Variants in C17orf107 observed in about 807,000 individuals in gnomAD.
C17orf107 encodes the protein uncharacterized protein C17orf107.
C17orf107 carries 9 observed loss-of-function variants against 8.9 expected under a neutral mutation model. The observed-to-expected ratio is 1.02, with a 90% CI of 0.61 to 1.77. The LOEUF is 1.77. C17orf107 is among the 40% of genes most tolerant of loss of function. C17orf107 has a pLI of 0.00. For missense variants in C17orf107, 281 were observed against 249.0 expected (o/e 1.13, Z -0.86); for synonymous variants, 139 against 120.3 (o/e 1.16, Z -1.02).
rs947375390 is a variant in C17orf107 at position 4,899,644 on chromosome 17, G to A, written c.-119G>A. ...CTCCCAGCTACCGAAGGCGCCGCGC[G>A]CTGACCTCACAAACACGGCTTCTCC... On this transcript the variant is annotated 5_prime_UTR_variant, in exon 1 of 3. Coordinates refer to ENST00000381365, the MANE Select transcript of C17orf107 (RefSeq NM_001145536.2). 6 of 1,461,976 alleles carry A rather than the reference G, an allele frequency of 4.1e-6. No individual in the cohort carries two copies. The highest frequency in any genetic ancestry group is 1.4e-5 in the African/African-American group (1 of 71,360). 90.6% of individuals were successfully genotyped at this position (1,461,976 alleles called of 1,614,324 possible).
chr17:4,902,570 T>G lies in C17orf107; in HGVS notation c.*2037T>G. 2.5e-6 allele frequency: 4 copies of G among 1,614,066 alleles called. No homozygotes were observed. The highest frequency in any genetic ancestry group is 1.1e-5 in the South Asian group (1 of 91,086). ...GAGCTTTAGGACAGAGCTCAGCGGT[T>G]GGGGCCAGAAGTGGGATTTTTGGCT... is the stretch of plus-strand genomic sequence containing the variant. On this transcript the variant is annotated 3_prime_UTR_variant, in exon 3 of 3. Coordinates refer to ENST00000381365, the MANE Select transcript of C17orf107 (RefSeq NM_001145536.2). The surrounding 1 kb of genome is among the most constrained non-coding windows in gnomAD (Gnocchi z 4.0).
At chr17:4,899,890 CCT>C (rs752694493) in intron 1 of C17orf107, 44 bp from the exon 2 acceptor site, 376 of 1,548,576 alleles carry the variant, frequency 2.4e-4, no homozygotes, top group Non-Finnish European at 3.1e-4. Flanking sequence ...CCTGTTCGCC[CCT>C]GTGACCCCTG....
Position 4,901,475 on chromosome 17 carries a change from C to CT in C17orf107, c.*943dup. ...GGCAAGCCCACCGTGGAAGTCCCCT[C>CT]TCTGGACCCCGTCTAGAAGCGGGTT... On this transcript the variant is annotated 3_prime_UTR_variant, in exon 3 of 3. Coordinates refer to ENST00000381365, the MANE Select transcript of C17orf107 (RefSeq NM_001145536.2). The CT allele has an allele frequency of 1.3e-6, 2 of 1,565,640 alleles. No homozygotes were observed. Among genetic ancestry groups the CT allele is most frequent in the Non-Finnish European group, 1.8e-6 (2 of 1,135,850 alleles).
chr17:4,905,874 A>G (rs1970087350), downstream of C17orf107, among the ~76,000 whole-genome samples: 2 of 152,108 alleles, frequency 1.3e-5, no homozygotes, highest in South Asian at 4.1e-4. Context: ...AAACAAAAAA[A>G]TGAAGTTTCT....
chr17:4,902,306 G>C lies in C17orf107; in HGVS notation c.*1773G>C, dbSNP rs752486312. The C allele has an allele frequency of 1.2e-6, 2 of 1,614,200 alleles. No homozygotes were observed. The highest frequency in any genetic ancestry group is 1.7e-5 in the Admixed American group (1 of 60,030). On this transcript the variant is annotated 3_prime_UTR_variant, in exon 3 of 3. Transcript: ENST00000381365. This position sits in a 1 kb window ranked among gnomAD's most constrained non-coding sequence, Gnocchi z 4.0. ...CCCCAAAGTCGTCCTTGCTGTAGTT[G>C]AGTCGGTAATCCTGCCAATCCTAAG... is the stretch of plus-strand genomic sequence containing the variant.
Position 4,902,866 on chromosome 17 carries a change from A to G in C17orf107, c.*2333A>G. ...TCCTCACAGGCCTCTGAGGCTGTGT[A>G]CTATCAGTATCTGTCTCCTAAACCA... On this transcript the variant is annotated 3_prime_UTR_variant, in exon 3 of 3. Coordinates refer to ENST00000381365, the MANE Select transcript of C17orf107 (RefSeq NM_001145536.2). The surrounding 1 kb of genome is among the most constrained non-coding windows in gnomAD (Gnocchi z 4.0). The G allele has an allele frequency of 1.9e-6, 3 of 1,577,844 alleles. No homozygotes were observed. The highest frequency in any genetic ancestry group is 2.6e-6 in the Non-Finnish European group (3 of 1,148,166).
downstream of C17orf107, among the ~76,000 whole-genome samples, chr17:4,904,596 A>T (rs754700508): frequency 6.6e-5 from 10 of 152,192 alleles, no homozygotes; most frequent in Admixed American, 1.3e-4. Flanking sequence ...AGCAATGATC[A>T]CTGTCCTGAA....
Position 4,902,742 on chromosome 17 carries a change from T to C in C17orf107, c.*2209T>C, listed in dbSNP as rs998227233. The stretch of plus-strand genomic sequence containing the variant: ...GAGATGGTGATAAAGACGCAGTTCC[T>C]CGTTCTTCCCCACACCCCTGCCTGC... On this transcript the variant is annotated 3_prime_UTR_variant, in exon 3 of 3. Transcript: ENST00000381365. The surrounding 1 kb of genome is among the most constrained non-coding windows in gnomAD (Gnocchi z 4.0). The C allele has an allele frequency of 6.2e-7, 1 of 1,614,038 alleles. No individual in the cohort carries two copies. Among genetic ancestry groups the C allele is most frequent in the Non-Finnish European group, 8.5e-7 (1 of 1,180,012 alleles).
chr17:4,900,838 G>A lies in C17orf107; in HGVS notation c.*305G>A, dbSNP rs1567638378. On this transcript the variant is annotated 3_prime_UTR_variant, in exon 3 of 3. Transcript: ENST00000381365. ...CAGAGAAGTCTCTGGGATTTTCTGG[G>A]CAATGAGGAACAAGAAGACGGTCTG... 1 of 1,614,180 alleles carries A rather than the reference G, an allele frequency of 6.2e-7. No homozygotes were observed. The highest frequency in any genetic ancestry group is 8.5e-7 in the Non-Finnish European group (1 of 1,180,002).
chr17:4,902,667 G>A lies in C17orf107; in HGVS notation c.*2134G>A. 1 of 1,613,958 alleles carries A rather than the reference G, an allele frequency of 6.2e-7. No individual in the cohort carries two copies. Among genetic ancestry groups the A allele is most frequent in the Non-Finnish European group, 8.5e-7 (1 of 1,179,956 alleles). On this transcript the variant is annotated 3_prime_UTR_variant, in exon 3 of 3. Transcript: ENST00000381365. This position sits in a 1 kb window ranked among gnomAD's most constrained non-coding sequence, Gnocchi z 4.0. ...GGTGACCTTGAGGCTGATGGTGACA[G>A]TATCCTCAGGCTCCCGCACTGGCCG...
At chr17:4,905,296 C>T (rs1970077216), downstream of C17orf107, among the ~76,000 whole-genome samples, 1 of 152,156 alleles carries the variant, frequency 6.6e-6, no homozygotes, top group African/African-American at 2.4e-5. Flanking sequence ...TGCCTGTAAT[C>T]CTAACTATTT....
rs1969943079 is a variant in C17orf107, at chr17:4,900,421, G to A, written c.461G>A (p.Cys154Tyr). The change falls in exon 3 of 3, where the codon TGC becomes TAC. Residue 154 changes from cysteine to tyrosine, a missense_variant. Coordinates refer to ENST00000381365, the MANE Select transcript of C17orf107 (RefSeq NM_001145536.2). Reference protein sequence around the residue: ...ARLLVQGAWLCLCGRGLQGSA... With the variant: ...ARLLVQGAWLYLCGRGLQGSA... ...CTCCTAGTCCAGGGAGCATGGCTAT[G>A]CCTGTGTGGACGGGGTCTGCAGGGG... The A allele has an allele frequency of 1.3e-6, 2 of 1,550,878 alleles. No homozygotes were observed. The highest frequency in any genetic ancestry group is 1.7e-6 in the Non-Finnish European group (2 of 1,146,970).
chr17:4,900,934 C>T lies in C17orf107; in HGVS notation c.*401C>T, dbSNP rs1244681035. ...TGGAGGGAGAGCCAGTGAGAGCGGGCCCCGCCTCCCGGGAGCGAGCCCGGG... is the reference window on the plus strand; with the variant it reads ...TGGAGGGAGAGCCAGTGAGAGCGGGTCCCGCCTCCCGGGAGCGAGCCCGGG... On this transcript the variant is annotated 3_prime_UTR_variant, in exon 3 of 3. Transcript: ENST00000381365. 1.2e-5 allele frequency: 20 copies of T among 1,614,040 alleles called. No homozygotes were observed. Among genetic ancestry groups the T allele is most frequent in the East Asian group, 2.2e-5 (1 of 44,876 alleles).
At chr17:4,902,936 C>G (rs367815306), downstream of C17orf107, 73 of 1,598,550 alleles carry the variant, frequency 4.6e-5, no homozygotes, top group Non-Finnish European at 6.1e-5. The surrounding 1 kb of genome is among the most constrained non-coding windows in gnomAD (Gnocchi z 4.0). Context: ...AAGTCTCCAT[C>G]TTGGTCTCTG....
In C17orf107 at chr17:4,899,719, A is replaced by G. The variant is rs1969896177; in HGVS notation, c.-44A>G. Reference sequence around the variant, plus strand: ...AGCTGCGCCCCCTACACGACGACAGACGCGTCCCCCAGCCCTTCTCCTGTC... The same window carrying G: ...AGCTGCGCCCCCTACACGACGACAGGCGCGTCCCCCAGCCCTTCTCCTGTC... On this transcript the variant is annotated 5_prime_UTR_variant, in exon 1 of 3. Coordinates refer to ENST00000381365, the MANE Select transcript of C17orf107 (RefSeq NM_001145536.2). 6.5e-7 allele frequency: 1 copy of G among 1,527,144 alleles called. No homozygotes were observed. The highest frequency in any genetic ancestry group is 2.0e-5 in the Admixed American group (1 of 50,940). 94.6% of individuals were successfully genotyped at this position (1,527,144 alleles called of 1,614,324 possible). A position where few individuals can be genotyped will look rare whatever the true frequency, so the allele number is the denominator to read the frequency against.
rs571215814 is a variant in C17orf107, at chr17:4,902,055, G to A, written c.*1522G>A. On this transcript the variant is annotated 3_prime_UTR_variant, in exon 3 of 3. Coordinates refer to ENST00000381365, the MANE Select transcript of C17orf107 (RefSeq NM_001145536.2). This position sits in a 1 kb window ranked among gnomAD's most constrained non-coding sequence, Gnocchi z 4.0. ...GCCGCCCTCGTAGACGAGCACGTTG[G>A]CGTCGTAGGCCACTCCGAACTGGCC... is the stretch of plus-strand genomic sequence containing the variant. 3 of 1,614,104 alleles carry A rather than the reference G, an allele frequency of 1.9e-6. No individual in the cohort carries two copies. Among genetic ancestry groups the A allele is most frequent in the Admixed American group, 3.3e-5 (2 of 60,024 alleles).
In C17orf107 at chr17:4,900,526, T is replaced by C. The variant is rs1418063217; in HGVS notation, c.566T>C (p.Val189Ala). 1 of 1,549,762 alleles carries C rather than the reference T, an allele frequency of 6.5e-7. No individual in the cohort carries two copies. The highest frequency in any genetic ancestry group is 2.4e-5 in the East Asian group (1 of 40,874). ...PGEPVSSGHGVS is the reference protein window; with the variant it reads ...PGEPVSSGHGAS The stretch of plus-strand genomic sequence containing the variant: ...GAACCGGTGAGCTCAGGACACGGGG[T>C]GAGTTAGGGGCCAGAGGCGGCGGGG... Residue 189 changes from valine to alanine, a missense_variant, in exon 3 of 3, where the codon GTG becomes GCG. By Grantham distance (64) the Val-to-Ala change is moderately conservative. Transcript: ENST00000381365.
Position 4,901,526 on chromosome 17 carries a change from A to G in C17orf107, c.*993A>G. The stretch of plus-strand genomic sequence containing the variant: ...TTTCTGAGCAGGCAGGGGCTTCACC[A>G]GTATAGGCCTCTGTGTCGATGTCGA... On this transcript the variant is annotated 3_prime_UTR_variant, in exon 3 of 3. Coordinates refer to ENST00000381365, the MANE Select transcript of C17orf107 (RefSeq NM_001145536.2). 6.2e-7 allele frequency: 1 copy of G among 1,613,954 alleles called. No homozygotes were observed. Among genetic ancestry groups the G allele is most frequent in the Non-Finnish European group, 8.5e-7 (1 of 1,179,798 alleles).
At position 4,901,293 on chromosome 17, in the gene C17orf107, G is replaced by T; in HGVS notation, c.*760G>T. The T allele has an allele frequency of 7.4e-7, 1 of 1,348,296 alleles. No homozygotes were observed. The highest frequency in any genetic ancestry group is 1.0e-6 in the Non-Finnish European group (1 of 967,216). The allele number at this position is 1,348,296 out of a possible 1,614,324, so 83.5% of individuals were successfully genotyped here. A position where few individuals can be genotyped will look rare whatever the true frequency, so the allele number is the denominator to read the frequency against. ...GCGGCTGTCTGCACCAGGGTCATGG[G>T]CCGTCAGGATGGGGGCAATTACGGA... On this transcript the variant is annotated 3_prime_UTR_variant, in exon 3 of 3. Transcript: ENST00000381365.
Sources: allele counts gnomAD v4.1 joint callset (sites outside exome capture counted in the v4.1 genomes callset), GRCh38; gene constraint gnomAD v4.1.1; non-coding constraint Gnocchi (gnomAD v3.1); transcripts MANE v1.5; gene names NCBI Gene and HGNC (gene_info 2026-07-23, HGNC 2026-07-21).